Variants in CCSER1 observed in about 807,000 individuals in gnomAD.
CCSER1 encodes coiled-coil serine rich protein 1.
A neutral mutation model predicts 82.0 loss-of-function variants in CCSER1; 41 were observed. That is an observed-to-expected ratio of 0.50 (90% CI 0.39 to 0.65). CCSER1 has a LOEUF of 0.65. CCSER1 is among the 30% of genes least tolerant of loss of function. The pLI, the probability that CCSER1 is intolerant of heterozygous loss-of-function variation, is 0.00. For synonymous variants in CCSER1, 414 were observed against 383.9 expected (o/e 1.08, Z -0.92); for missense variants, 1,119 against 1,064.2 (o/e 1.05, Z -0.72).
chr4:90,200,498 C>A (rs1206390749), intron 1 of CCSER1, among the ~76,000 whole-genome samples: 1 of 151,632 alleles, frequency 6.6e-6, no homozygotes, highest in Non-Finnish European at 1.5e-5. Flanking sequence ...TACAAAAAAA[C>A]CCAGCAAAGC....
At chr4:91,167,146 A>G (rs1732164147) in intron 10 of CCSER1, among the ~76,000 whole-genome samples, 1 of 151,550 alleles carries the variant, frequency 6.6e-6, no homozygotes, top group Admixed American at 6.6e-5. Context: ...TCAGATTTGA[A>G]TAAGTATAAA....
At chr4:90,350,720 C>T (rs142486342) in intron 3 of CCSER1, among the ~76,000 whole-genome samples, 28 of 151,978 alleles carry the variant, frequency 1.8e-4, no homozygotes, top group Middle Eastern at 3.4e-3. Flanking sequence ...GTCTATAAAA[C>T]GGGAAAGATG....
intron 5 of CCSER1, among the ~76,000 whole-genome samples, chr4:90,501,353 G>A (rs949652175): frequency 4.6e-5 from 7 of 152,258 alleles, no homozygotes; most frequent in African/African-American, 1.4e-4. Flanking sequence ...ATATTAATAT[G>A]TGTTGACATA....
intron 10 of CCSER1, among the ~76,000 whole-genome samples, chr4:91,130,359 T>G (rs889521325): frequency 1.3e-5 from 2 of 151,944 alleles, no homozygotes; most frequent in Non-Finnish European, 2.9e-5. Flanking sequence ...TTTGAATTTA[T>G]AAACTCTCCA....
chr4:90,212,331 G>A (rs1560806588), intron 1 of CCSER1, among the ~76,000 whole-genome samples: 1 of 152,096 alleles, frequency 6.6e-6, no homozygotes, highest in Non-Finnish European at 1.5e-5. Flanking sequence ...ATGCATTTGA[G>A]TATCTAATAA....
At chr4:91,533,169 CCTCA>C (rs1382825212) in intron 10 of CCSER1, among the ~76,000 whole-genome samples, 2 of 152,076 alleles carry the variant, frequency 1.3e-5, no homozygotes, top group African/African-American at 2.4e-5. Flanking sequence ...AATAATTCTA[CCTCA>C]CTATTTTTTC....
intron 10 of CCSER1, among the ~76,000 whole-genome samples, chr4:91,446,992 G>A (rs1388218123): frequency 6.6e-6 from 1 of 152,074 alleles, no homozygotes; most frequent in Non-Finnish European, 1.5e-5. Flanking sequence ...TAAGTTAAGG[G>A]TAGCTGGACC....
At chr4:90,309,964 T>A (rs901051525) in intron 2 of CCSER1, among the ~76,000 whole-genome samples, 1 of 152,150 alleles carries the variant, frequency 6.6e-6, no homozygotes, top group African/African-American at 2.4e-5. Context: ...CTGTCTTTTA[T>A]AGAGTTTATT....
At chr4:91,004,222 T>C (rs1027968089) in intron 9 of CCSER1, among the ~76,000 whole-genome samples, 5 of 152,122 alleles carry the variant, frequency 3.3e-5, no homozygotes, top group South Asian at 2.1e-4. Flanking sequence ...TGAGCTGCAA[T>C]CTAGTCTTGC....
chr4:91,114,741 T>TA (rs1160393167), intron 10 of CCSER1, among the ~76,000 whole-genome samples: 1 of 152,212 alleles, frequency 6.6e-6, no homozygotes, highest in Non-Finnish European at 1.5e-5. Context: ...CTCTTCAGTT[T>TA]AGTCAATTTC....
intron 10 of CCSER1, among the ~76,000 whole-genome samples, chr4:91,468,152 C>T (rs2149440623): frequency 6.6e-6 from 1 of 152,270 alleles, no homozygotes; most frequent in Admixed American, 6.5e-5. Flanking sequence ...CACATATACT[C>T]CATGGAATAC....
chr4:90,271,149 A>G (rs914158136), intron 1 of CCSER1, among the ~76,000 whole-genome samples: 3 of 152,160 alleles, frequency 2.0e-5, no homozygotes, highest in Non-Finnish European at 2.9e-5. Context: ...GCTAAAATTT[A>G]TATGGAGCCA....
intron 6 of CCSER1, chr4:90,682,969 A>G (rs576099839): frequency 4.6e-5 from 7 of 152,200 alleles, no homozygotes; most frequent in African/African-American, 7.2e-5. Flanking sequence ...CCTACTGGCA[A>G]TGGGTGAAAA....
At chr4:90,406,448 G>A (rs1236999369) in intron 4 of CCSER1, among the ~76,000 whole-genome samples, 1 of 152,106 alleles carries the variant, frequency 6.6e-6, no homozygotes, top group Admixed American at 6.6e-5. Context: ...CACTAGGCAG[G>A]TCATCAAGAC....
chr4:90,612,576 G>T, intron 5 of CCSER1, among the ~76,000 whole-genome samples: 1 of 152,056 alleles, frequency 6.6e-6, no homozygotes. Flanking sequence ...ATTTTCTGTT[G>T]CTTCCCTCCA....
intron 10 of CCSER1, among the ~76,000 whole-genome samples, chr4:91,242,004 T>C (rs1198936822): frequency 6.6e-6 from 1 of 152,130 alleles, no homozygotes; most frequent in African/African-American, 2.4e-5. Context: ...ATGTATGCAA[T>C]TTTACATTTT....
At chr4:91,018,176 T>C (rs1270775841) in intron 9 of CCSER1, among the ~76,000 whole-genome samples, 2 of 152,154 alleles carry the variant, frequency 1.3e-5, no homozygotes, top group African/African-American at 4.8e-5. Flanking sequence ...ATCTATTTAT[T>C]TAGCTCAGTA....
chr4:91,046,713 GT>G (rs1467990044), intron 9 of CCSER1, among the ~76,000 whole-genome samples: 2 of 151,626 alleles, frequency 1.3e-5, no homozygotes, highest in Non-Finnish European at 2.9e-5. Context: ...TGTTGTTGTT[GT>G]TTTGTTTTGG....
rs529040991 is a variant in CCSER1 at position 90,206,553 on chromosome 4, G to T, written c.-42+78722G>T. Among the ~76,000 whole-genome samples the T allele has an allele frequency of 1.6e-3, 241 of 152,166 alleles. 2 individuals are homozygous for T. The highest frequency in any genetic ancestry group is 5.4e-3 in the African/African-American group (226 of 41,484). On this transcript the variant is annotated intron_variant, in intron 1 of 10. Coordinates refer to ENST00000509176, the MANE Select transcript of CCSER1 (RefSeq NM_001145065.2). Reference sequence around the variant, plus strand: ...TGAGTTCTAATTTGATTGCACTGTGGTCTGACAGACTGTTATGATTTCCAT... The same window carrying T: ...TGAGTTCTAATTTGATTGCACTGTGTTCTGACAGACTGTTATGATTTCCAT...
Sources: allele counts gnomAD v4.1 joint callset (sites outside exome capture counted in the v4.1 genomes callset), GRCh38; gene constraint gnomAD v4.1.1; transcripts MANE v1.5; gene names NCBI Gene and HGNC (gene_info 2026-07-23, HGNC 2026-07-21).